Variants in BOC observed in about 807,000 individuals in gnomAD.
BOC encodes brother of CDO.
Under a neutral mutation model 112.0 loss-of-function variants are expected in BOC, and 76 were observed. The observed-to-expected ratio is 0.68, with a 90% CI of 0.56 to 0.82. The LOEUF (loss-of-function observed/expected upper bound fraction) is 0.82, where lower values mean the gene tolerates loss of function less well. Among genes scored for constraint, BOC ranks in the 40% least tolerant of loss-of-function variants. The pLI is 0.00. For synonymous variants in BOC, 580 were observed against 599.8 expected (o/e 0.97, Z 0.48); for missense variants, 1,309 against 1,511.7 (o/e 0.87, Z 2.22).
chr3:113,213,347 ACT>A (rs544036727), intron 1 of BOC, among the ~76,000 whole-genome samples: 62 of 152,166 alleles, frequency 4.1e-4, no homozygotes, highest in African/African-American at 1.5e-3. Context: ...GTTGTCCAGA[ACT>A]CGGTACACAT....
Position 113,279,400 on chromosome 3 carries a change from C to T in BOC, c.1968C>T (p.Ala656=). 1 of 1,614,198 alleles carries T rather than the reference C, an allele frequency of 6.2e-7. No individual in the cohort carries two copies. The highest frequency in any genetic ancestry group is 8.5e-7 in the Non-Finnish European group (1 of 1,180,016). Reference sequence around the variant, plus strand: ...AGAAAGTGGGAGACTGGATTCTGGCCACCAGCGCCATCCCCCCATCGCGGC... The same window carrying T: ...AGAAAGTGGGAGACTGGATTCTGGCTACCAGCGCCATCCCCCCATCGCGGC... ...KLKKVGDWIL[A]TSAIPPSRLS... The change falls in exon 12 of 20, where the codon GCC becomes GCT. Residue 656 remains alanine (A), a synonymous_variant. Coordinates refer to ENST00000682979, the MANE Select transcript of BOC (RefSeq NM_001378074.1).
At chr3:113,244,057 CATG>C (rs1261505982) in intron 2 of BOC, among the ~76,000 whole-genome samples, 1 of 152,316 alleles carries the variant, frequency 6.6e-6, no homozygotes, top group Non-Finnish European at 1.5e-5. Flanking sequence ...TCTTAACCGC[CATG>C]GCCCAGTAGT....
intron 1 of BOC, among the ~76,000 whole-genome samples, chr3:113,214,814 A>G (rs1384199555): frequency 6.6e-6 from 1 of 152,256 alleles, no homozygotes; most frequent in African/African-American, 2.4e-5. Context: ...TTTTTAGTGC[A>G]TCAGGCACCA....
At chr3:113,216,919 G>A (rs1050320439) in intron 2 of BOC, among the ~76,000 whole-genome samples, 2 of 152,186 alleles carry the variant, frequency 1.3e-5, no homozygotes, top group Admixed American at 6.5e-5. Context: ...AATATGGGTA[G>A]GGTGGGTAGG....
intron 5 of BOC, 37 bp downstream of exon 5, chr3:113,268,482 C>T: frequency 6.2e-7 from 1 of 1,603,144 alleles, no homozygotes; most frequent in South Asian, 1.1e-5. Flanking sequence ...AGGCTGAGGC[C>T]AGAAGGGAAG....
intron 2 of BOC, among the ~76,000 whole-genome samples, chr3:113,225,428 G>A (rs1326543962): frequency 6.6e-6 from 1 of 152,182 alleles, no homozygotes; most frequent in Non-Finnish European, 1.5e-5. Flanking sequence ...CAGAAAGTCA[G>A]CTTTTGGACT....
In BOC at chr3:113,270,818, C is replaced by G; in HGVS notation, c.541C>G (p.Pro181Ala). ...TTCCACAGGTAACTACCTGATCATG[C>G]CCTCAGGGAACCTCCAGATTGTGAA... ...EASRGNYLIMPSGNLQIVNAS... is the reference protein window; with the variant it reads ...EASRGNYLIMASGNLQIVNAS... The change falls in exon 6 of 20, where the codon CCC (proline) becomes GCC (alanine). Residue 181 changes from proline to alanine, a missense_variant. Coordinates refer to ENST00000682979, the MANE Select transcript of BOC (RefSeq NM_001378074.1). 1.2e-6 allele frequency: 2 copies of G among 1,612,746 alleles called. No homozygotes were observed. Among genetic ancestry groups the G allele is most frequent in the Non-Finnish European group, 1.7e-6 (2 of 1,179,258 alleles).
At chr3:113,275,659 C>G (rs564109764) in intron 9 of BOC, among the ~76,000 whole-genome samples, 144 of 152,296 alleles carry the variant, frequency 9.5e-4, no homozygotes, top group Non-Finnish European at 1.7e-3. Context: ...GCTATGTGCA[C>G]TTGATGGAAA....
intron 4 of BOC, among the ~76,000 whole-genome samples, chr3:113,262,924 G>C (rs547298432): frequency 2.0e-5 from 3 of 152,210 alleles, no homozygotes; most frequent in South Asian, 2.1e-4. Context: ...AGCCAAGTCT[G>C]TCTGATAGCC....
At position 113,273,302 on chromosome 3, in the gene BOC, A is replaced by C; in HGVS notation, c.1195A>C (p.Ser399Arg). ...YQCMAENEVGSAHAVVQLRTS... is the reference protein window; with the variant it reads ...YQCMAENEVGRAHAVVQLRTS... ...GTGCATGGCCGAGAACGAGGTTGGG[A>C]GCGCCCATGCCGTAGTCCAGCTGCG... The change falls in exon 8 of 20, where the codon AGC becomes CGC. Residue 399 changes from serine (S) to arginine (R), a missense_variant. Physicochemically the swap from Ser to Arg is moderately radical, Grantham distance 110 (BLOSUM62 -1). Transcript: ENST00000682979. 6.2e-7 allele frequency: 1 copy of C among 1,601,124 alleles called. No individual in the cohort carries two copies. The highest frequency in any genetic ancestry group is 8.5e-7 in the Non-Finnish European group (1 of 1,170,096).
Position 113,286,742 on chromosome 3 carries a change from TGGA to T in BOC, c.3233_3235del (p.Gly1078del). ...ACAGTCCTGACTCCTGCCAAGTGAG[TGGA>T]GGAGACTGGTGTCCCCAGCACCCCG... On this transcript the variant is annotated inframe_deletion, in exon 20 of 20. Coordinates refer to ENST00000682979, the MANE Select transcript of BOC (RefSeq NM_001378074.1). The T allele has an allele frequency of 6.2e-7, 1 of 1,613,472 alleles. No homozygotes were observed. The highest frequency in any genetic ancestry group is 8.5e-7 in the Non-Finnish European group (1 of 1,179,676).
intron 3 of BOC, 142 bp from the exon 4 acceptor site, chr3:113,250,413 G>C: frequency 1.1e-6 from 1 of 932,930 alleles, no homozygotes; most frequent in Admixed American, 2.8e-5. Context: ...GTTGGGAAAT[G>C]GACAAGAGCA....
intron 4 of BOC, among the ~76,000 whole-genome samples, chr3:113,267,964 G>T (rs531505688): frequency 1.8e-3 from 172 of 97,878 alleles, no homozygotes; most frequent in African/African-American, 9.3e-3. Context: ...TTTGTACTTT[G>T]ACCCCCCCCC....
At chr3:113,254,381 AG>A (rs1306222825) in intron 4 of BOC, among the ~76,000 whole-genome samples, 4 of 152,096 alleles carry the variant, frequency 2.6e-5, no homozygotes, top group Admixed American at 2.6e-4. Context: ...CAAAGCTTGG[AG>A]GAGGCAGCAA....
chr3:113,229,288 T>C (rs1356547029), intron 2 of BOC, among the ~76,000 whole-genome samples: 3 of 152,244 alleles, frequency 2.0e-5, no homozygotes, highest in Non-Finnish European at 4.4e-5. Context: ...CCAACGGCTG[T>C]TCTACTTCTC....
chr3:113,241,956 G>C (rs1273887347), intron 2 of BOC, among the ~76,000 whole-genome samples: 1 of 152,130 alleles, frequency 6.6e-6, no homozygotes, highest in South Asian at 2.1e-4. Context: ...TGGAGAGAGG[G>C]AGGTTGAGGG....
rs771065732 is a variant in BOC, at chr3:113,274,547, G to T, written c.1407G>T (p.Gly469=). Reference sequence around the variant, plus strand: ...AGTGTCCAGGAGAGAAGGGGCAGGGGGCTCCCGCCGAGGCTCCCATCATCC... The same window carrying T: ...AGTGTCCAGGAGAGAAGGGGCAGGGTGCTCCCGCCGAGGCTCCCATCATCC... ...SPQCPGEKGQ[G]APAEAPIILS... Residue 469 remains glycine (G), a synonymous_variant, in exon 9 of 20, where the codon GGG becomes GGT. Transcript: ENST00000682979. This position sits in a 1 kb window ranked among gnomAD's most constrained non-coding sequence, Gnocchi z 4.8. The T allele has an allele frequency of 1.2e-6, 2 of 1,613,436 alleles. No homozygotes were observed. Among genetic ancestry groups the T allele is most frequent in the Non-Finnish European group, 8.5e-7 (1 of 1,179,922 alleles).
intron 4 of BOC, among the ~76,000 whole-genome samples, chr3:113,265,615 T>C (rs1186816327): frequency 6.6e-6 from 1 of 152,246 alleles, no homozygotes; most frequent in African/African-American, 2.4e-5. Context: ...GATGTTTAGC[T>C]AGAACATGTT....
At chr3:113,226,383 C>T (rs750904742) in intron 2 of BOC, among the ~76,000 whole-genome samples, 1 of 152,168 alleles carries the variant, frequency 6.6e-6, no homozygotes, top group South Asian at 2.1e-4. Flanking sequence ...TTCTCTAGTA[C>T]TTTCTCTCCA....
Sources: allele counts gnomAD v4.1 joint callset (sites outside exome capture counted in the v4.1 genomes callset), GRCh38; gene constraint gnomAD v4.1.1; non-coding constraint Gnocchi (gnomAD v3.1); transcripts MANE v1.5; gene names NCBI Gene and HGNC (gene_info 2026-07-23, HGNC 2026-07-21).